TIFA: variants seen among roughly 807,000 people sequenced by gnomAD.
The protein encoded by TIFA is TRAF-interacting protein with FHA domain-containing protein A.
For synonymous variants in TIFA, 75 were observed against 79.2 expected, an observed-to-expected ratio of 0.95 and a Z score of 0.28; for missense variants, 186 against 215.2, an observed-to-expected ratio of 0.86 and a Z score of 0.85.
Position 112,277,674 on chromosome 4 carries a change from G to GGTTGTAGCCGGAT in TIFA, c.*187_*188insATCCGGCTACAAC. ...GTTAAAATAATTTTGTGTAGATCCA[G>GGTTGTAGCCGGAT]AATACAACAGGTGACTAAGTTAATG... On this transcript the variant is annotated 3_prime_UTR_variant, in exon 2 of 2. Transcript: ENST00000361717. 2.3e-6 allele frequency: 1 copy of GGTTGTAGCCGGAT among 431,860 alleles called. No homozygotes were observed. Among genetic ancestry groups the GGTTGTAGCCGGAT allele is most frequent in the Non-Finnish European group, 3.9e-6 (1 of 255,654 alleles). 26.8% of individuals were successfully genotyped at this position (431,860 alleles called of 1,614,324 possible).
chr4:112,280,838 T>A (rs1305789193), intron 1 of TIFA, among the ~76,000 whole-genome samples: 2 of 152,196 alleles, frequency 1.3e-5, no homozygotes, highest in African/African-American at 2.4e-5. Flanking sequence ...TTGCATCATA[T>A]TGCTCTACCC....
intron 1 of TIFA, among the ~76,000 whole-genome samples, chr4:112,280,633 G>A (rs1364643842): frequency 1.2e-4 from 19 of 152,054 alleles, no homozygotes; most frequent in Non-Finnish European, 1.5e-5. Context: ...TTACAGGCAT[G>A]AGCCACCGTT....
chr4:112,278,057 T>A lies in TIFA; in HGVS notation c.360A>T (p.Gly120=), dbSNP rs549659694. The change falls in exon 2 of 2, where the codon GGA becomes GGT. Residue 120 remains glycine, a synonymous_variant. Coordinates refer to ENST00000361717, the MANE Select transcript of TIFA (RefSeq NM_052864.3). ...DLPYRCMVRF[G]EYQFLMEKED... is the part of the protein sequence containing the mutation. ...CCTTCTCCATCAGAAACTGATACTC[T>A]CCGAATCTGACCATGCACCTGTATG... is the stretch of plus-strand genomic sequence containing the variant. 1 of 1,614,064 alleles carries A rather than the reference T, an allele frequency of 6.2e-7. No homozygotes were observed. The highest frequency in any genetic ancestry group is 1.1e-5 in the South Asian group (1 of 91,074).
At position 112,277,695 on chromosome 4, in the gene TIFA, T is replaced by TAGAA; in HGVS notation, c.*166_*167insTTCT. On this transcript the variant is annotated 3_prime_UTR_variant, in exon 2 of 2. Coordinates refer to ENST00000361717, the MANE Select transcript of TIFA (RefSeq NM_052864.3). ...TCCAGAATACAACAGGTGACTAAGT[T>TAGAA]AATGACTAACACAATTTACAGACTT... is the stretch of plus-strand genomic sequence containing the variant. 1 of 510,812 alleles carries TAGAA rather than the reference T, an allele frequency of 2.0e-6. No homozygotes were observed. Among genetic ancestry groups the TAGAA allele is most frequent in the South Asian group, 5.1e-5 (1 of 19,602 alleles). 31.6% of individuals were successfully genotyped at this position (510,812 alleles called of 1,614,324 possible). A position where few individuals can be genotyped will look rare whatever the true frequency, so the allele number is the denominator to read the frequency against.
chr4:112,280,606 C>T (rs546645670), intron 1 of TIFA, among the ~76,000 whole-genome samples: 7 of 152,142 alleles, frequency 4.6e-5, no homozygotes, highest in African/African-American at 1.7e-4. Flanking sequence ...CACCCTCGGT[C>T]TCTCAAAGTG....
At chr4:112,281,625 T>C (rs72894962) in intron 1 of TIFA, 3 of 152,280 alleles carry the variant, frequency 2.0e-5, no homozygotes, top group Non-Finnish European at 2.9e-5. Context: ...CCCTTTAAAA[T>C]GATGATCCAC....
chr4:112,275,589 C>A lies in TIFA; in HGVS notation c.*2273G>T, dbSNP rs761839753. 1.3e-5 allele frequency: 2 copies of A among 151,946 alleles called. No homozygotes were observed. The highest frequency in any genetic ancestry group is 1.5e-5 in the Non-Finnish European group (1 of 67,986). The allele number at this position is 151,946 out of a possible 1,614,324, so 9.4% of individuals were successfully genotyped here. A position where few individuals can be genotyped will look rare whatever the true frequency, so the allele number is the denominator to read the frequency against. On this transcript the variant is annotated 3_prime_UTR_variant, in exon 2 of 2. Coordinates refer to ENST00000361717, the MANE Select transcript of TIFA (RefSeq NM_052864.3). ...GAGAACAATATAAACTTTTAGCAAC[C>A]CACTCTCTCCTTTGCCAATCTTTGA...
At position 112,276,383 on chromosome 4, in the gene TIFA, A is replaced by G. The variant is rs1395569144; in HGVS notation, c.*1479T>C. ...ACGGATCCGGTGATCAATTGGGCAC[A>G]CCCAGATAATCCAGCATAATCTATT... On this transcript the variant is annotated 3_prime_UTR_variant, in exon 2 of 2. Transcript: ENST00000361717. 6.5e-6 allele frequency: 1 copy of G among 153,314 alleles called. No homozygotes were observed. The highest frequency in any genetic ancestry group is 1.9e-4 in the East Asian group (1 of 5,210). The allele number at this position is 153,314 out of a possible 1,614,324, so 9.5% of individuals were successfully genotyped here. A position where few individuals can be genotyped will look rare whatever the true frequency, so the allele number is the denominator to read the frequency against.
intron 1 of TIFA, among the ~76,000 whole-genome samples, chr4:112,280,001 A>G (rs1727195772): frequency 6.6e-6 from 1 of 151,438 alleles, no homozygotes; most frequent in South Asian, 2.1e-4. Context: ...ATGGGTGATA[A>G]TTTTCCCATA....
chr4:112,277,692 A>ACC lies in TIFA; in HGVS notation c.*169_*170insGG. The ACC allele has an allele frequency of 1.9e-6, 1 of 518,564 alleles. No homozygotes were observed. The highest frequency in any genetic ancestry group is 3.4e-5 in the East Asian group (1 of 29,074). The allele number at this position is 518,564 out of a possible 1,614,324, so 32.1% of individuals were successfully genotyped here. On this transcript the variant is annotated 3_prime_UTR_variant, in exon 2 of 2. Coordinates refer to ENST00000361717, the MANE Select transcript of TIFA (RefSeq NM_052864.3). ...AGATCCAGAATACAACAGGTGACTA[A>ACC]GTTAATGACTAACACAATTTACAGA... is the stretch of plus-strand genomic sequence containing the variant.
chr4:112,278,180 G>C lies in TIFA; in HGVS notation c.237C>G (p.Asn79Lys). The stretch of plus-strand genomic sequence containing the variant: ...TTATTTCAAAGGAGAGAACTGAGCT[G>C]TTGAATTTTTTAAACAGCTGCAGAG... ...QFSLQLFKKF[N>K]SSVLSFEIKN... The change falls in exon 2 of 2, where the codon AAC (asparagine) becomes AAG (lysine). Residue 79 changes from asparagine to lysine, a missense_variant. Physicochemically the swap from Asn to Lys is moderately conservative, Grantham distance 94. Coordinates refer to ENST00000361717, the MANE Select transcript of TIFA (RefSeq NM_052864.3). The C allele has an allele frequency of 6.2e-7, 1 of 1,613,554 alleles. No individual in the cohort carries two copies. The highest frequency in any genetic ancestry group is 8.5e-7 in the Non-Finnish European group (1 of 1,179,870).
rs1727138430 is a variant in TIFA, at chr4:112,277,534, A to T, written c.*328T>A. 1.6e-5 allele frequency: 3 copies of T among 183,324 alleles called. No homozygotes were observed. In the Admixed American group the frequency reaches 1.6e-4, roughly 10 times the overall value. The allele number at this position is 183,324 out of a possible 1,614,324, so 11.4% of individuals were successfully genotyped here. On this transcript the variant is annotated 3_prime_UTR_variant, in exon 2 of 2. Coordinates refer to ENST00000361717, the MANE Select transcript of TIFA (RefSeq NM_052864.3). ...GATGGTTCCTTACAAAAACAAAGCA[A>T]AACACAAGATGAAAATCAAGCAGAA...
chr4:112,277,686 T>TTGTC lies in TIFA; in HGVS notation c.*175_*176insGACA. On this transcript the variant is annotated 3_prime_UTR_variant, in exon 2 of 2. Transcript: ENST00000361717. ...TTGTGTAGATCCAGAATACAACAGG[T>TTGTC]GACTAAGTTAATGACTAACACAATT... 2.5e-6 allele frequency: 1 copy of TTGTC among 406,674 alleles called. No individual in the cohort carries two copies. 25.2% of individuals were successfully genotyped at this position (406,674 alleles called of 1,614,324 possible).
At chr4:112,285,436 T>C (rs544949124) in intron 1 of TIFA, 1 of 152,332 alleles carries the variant, frequency 6.6e-6, no homozygotes, top group African/African-American at 2.4e-5. Context: ...TATTCTCATA[T>C]TTTATAAAAC....
rs762664684 is a variant in TIFA, at chr4:112,275,383, G to A, written c.*2479C>T. ...CTGAGGTCTGCTGCATTCCTTCCTC[G>A]GTTCTATGAAATATGGTAGCTTTCC... On this transcript the variant is annotated 3_prime_UTR_variant, in exon 2 of 2. Coordinates refer to ENST00000361717, the MANE Select transcript of TIFA (RefSeq NM_052864.3). 9 of 152,104 alleles carry A rather than the reference G, an allele frequency of 5.9e-5. No homozygotes were observed. The highest frequency in any genetic ancestry group is 9.7e-5 in the African/African-American group (4 of 41,398). 9.4% of individuals were successfully genotyped at this position (152,104 alleles called of 1,614,324 possible).
In TIFA at chr4:112,277,670, T is replaced by TCTCGGTTGTAG; in HGVS notation, c.*191_*192insCTACAACCGAG. On this transcript the variant is annotated 3_prime_UTR_variant, in exon 2 of 2. Transcript: ENST00000361717. Reference sequence around the variant, plus strand: ...AGCAGTTAAAATAATTTTGTGTAGATCCAGAATACAACAGGTGACTAAGTT... The same window carrying TCTCGGTTGTAG: ...AGCAGTTAAAATAATTTTGTGTAGATCTCGGTTGTAGCCAGAATACAACAGGTGACTAAGTT... The TCTCGGTTGTAG allele has an allele frequency of 2.3e-6, 1 of 428,600 alleles. No individual in the cohort carries two copies. 26.5% of individuals were successfully genotyped at this position (428,600 alleles called of 1,614,324 possible).
intron 1 of TIFA, among the ~76,000 whole-genome samples, chr4:112,279,367 G>T (rs1201447761): frequency 6.6e-6 from 1 of 152,154 alleles, no homozygotes; most frequent in African/African-American, 2.4e-5. Flanking sequence ...CTTCAACAGA[G>T]AATTGCCATT....
intron 1 of TIFA, among the ~76,000 whole-genome samples, chr4:112,284,610 C>G (rs1727286789): frequency 6.6e-6 from 1 of 152,006 alleles, no homozygotes; most frequent in African/African-American, 2.4e-5. Context: ...CCCCAACCCC[C>G]TCGCCTCCCC....
At chr4:112,284,823 A>G (rs900844664) in intron 1 of TIFA, among the ~76,000 whole-genome samples, 1 of 151,400 alleles carries the variant, frequency 6.6e-6, no homozygotes, top group Non-Finnish European at 1.5e-5. Context: ...CTCTGAAGAT[A>G]TTTGTGAACT....
Sources: gnomAD v4.1 joint callset for allele counts (sites outside exome capture counted in the v4.1 genomes callset) on GRCh38, gnomAD v4.1.1 for gene constraint, MANE v1.5 for transcripts, NCBI Gene and HGNC (gene_info 2026-07-23, HGNC 2026-07-21) for gene names.